Variants in AAAS observed in about 807,000 individuals in gnomAD.
AAAS encodes aladin.
AAAS carries 60 observed loss-of-function variants against 75.6 expected under a neutral mutation model. That is an observed-to-expected ratio of 0.79 (90% confidence interval 0.64 to 0.98). The LOEUF (loss-of-function observed/expected upper bound fraction) is 0.98, where lower values mean the gene tolerates loss of function less well. Among genes scored for constraint, AAAS ranks in the 50% least tolerant of loss-of-function variants. The probability of loss-of-function intolerance (pLI) is 0.00; values close to 1 mark genes in which losing one functional copy is unlikely to be tolerated. For synonymous variants in AAAS, 271 were observed against 265.0 expected (o/e 1.02, Z -0.22); for missense variants, 658 against 686.9 (o/e 0.96, Z 0.47).
intron 4 of AAAS, 71 bp downstream of exon 4, chr12:53,315,264 G>C (rs774772267): frequency 6.3e-7 from 1 of 1,599,266 alleles, no homozygotes; most frequent in Middle Eastern, 1.7e-4. Flanking sequence ...TGACCTGCAA[G>C]GATAGGAATG....
chr12:53,309,346 C>T, intron 8 of AAAS, 65 bp from the exon 9 acceptor site: 1 of 1,606,746 alleles, frequency 6.2e-7, no homozygotes, highest in East Asian at 2.2e-5. Context: ...GTGGGCTGGC[C>T]TCTCTAATGT....
chr12:53,309,879 G>C, intron 7 of AAAS, 158 bp from the exon 8 acceptor site: 110 of 1,097,106 alleles, frequency 1.0e-4, no homozygotes, highest in Middle Eastern at 2.6e-4. Flanking sequence ...AAAGTTAAAA[G>C]AAAAAAACAG....
At chr12:53,314,517 G>A in intron 6 of AAAS, 76 bp from the exon 7 acceptor site, 1 of 1,590,994 alleles carries the variant, frequency 6.3e-7, no homozygotes, top group Non-Finnish European at 8.6e-7. Context: ...GTTAAGGAGG[G>A]AAAGCCACAG....
At position 53,308,722 on chromosome 12, in the gene AAAS, C is replaced by T; in HGVS notation, c.1087+3G>A. On this transcript the variant is annotated splice_donor_region_variant and intron_variant, in intron 11 of 15. Coordinates refer to ENST00000209873, the MANE Select transcript of AAAS (RefSeq NM_015665.6). ...CAAATACTGAAGTGTTGCCCTAACTCACCACAACGTTCTGGAAAAGACAGG... is the reference window on the plus strand; with the variant it reads ...CAAATACTGAAGTGTTGCCCTAACTTACCACAACGTTCTGGAAAAGACAGG... The T allele has an allele frequency of 6.2e-7, 1 of 1,614,114 alleles. No homozygotes were observed. The highest frequency in any genetic ancestry group is 8.5e-7 in the Non-Finnish European group (1 of 1,180,032).
At chr12:53,317,275 T>C (rs1944477157) in intron 2 of AAAS, among the ~76,000 whole-genome samples, 1 of 139,812 alleles carries the variant, frequency 7.2e-6, no homozygotes, top group Non-Finnish European at 1.6e-5. Flanking sequence ...ATACAAAAAT[T>C]GGCCAGGTGC....
rs886973415 is a variant in AAAS at position 53,307,766 on chromosome 12, C to G, written c.1417-53G>C. On this transcript the variant is annotated intron_variant, in intron 15 of 15. Coordinates refer to ENST00000209873, the MANE Select transcript of AAAS (RefSeq NM_015665.6). ...GAGTCTGGGCCCAAAGAAGGGCCAC[C>G]TGGCAGAGCCATACAGCAGCCAAGG... The G allele has an allele frequency of 4.3e-6, 7 of 1,612,834 alleles. No individual in the cohort carries two copies. In the East Asian group the frequency reaches 6.7e-5, roughly 15 times the overall value.
intron 7 of AAAS, among the ~76,000 whole-genome samples, chr12:53,311,586 G>A (rs945005485): frequency 9.9e-5 from 15 of 152,112 alleles, no homozygotes; most frequent in African/African-American, 3.6e-4. Context: ...CTGTATTCCA[G>A]CCTGGGCAAC....
chr12:53,311,690 G>A (rs1224004080), intron 7 of AAAS, among the ~76,000 whole-genome samples: 2 of 152,230 alleles, frequency 1.3e-5, no homozygotes, highest in African/African-American at 2.4e-5. Context: ...CGAGGCAGGC[G>A]GATCACCTGA....
Position 53,321,209 on chromosome 12 carries a change from C to T in AAAS, c.123+134G>A, listed in dbSNP as rs4759020. 1,383,337 of 1,403,842 alleles carry T rather than the reference C, an allele frequency of 0.99. 683,864 individuals are homozygous for T. Among genetic ancestry groups the T allele is most frequent in the East Asian group, 1 (43,388 of 43,388 alleles). The allele number at this position is 1,403,842 out of a possible 1,614,324, so 87.0% of individuals were successfully genotyped here. A position where few individuals can be genotyped will look rare whatever the true frequency, so the allele number is the denominator to read the frequency against. ...CTAAAACAGATTCCAGCCCTTCTAG[C>T]CTCCTGCCGGGGCCAAGCTGTTTCC... On this transcript the variant is annotated intron_variant, in intron 1 of 15. Coordinates refer to ENST00000209873, the MANE Select transcript of AAAS (RefSeq NM_015665.6).
intron 1 of AAAS, chr12:53,321,021 G>T: frequency 3.7e-6 from 2 of 538,512 alleles, no homozygotes; most frequent in South Asian, 4.2e-5. Context: ...ATGGAAAAAA[G>T]TTCCATGTTG....
chr12:53,316,630 CCAT>C (rs1273760414), intron 2 of AAAS, among the ~76,000 whole-genome samples: 2 of 150,338 alleles, frequency 1.3e-5, no homozygotes, highest in Non-Finnish European at 3.0e-5. Flanking sequence ...GTGTGGTGGT[CCAT>C]GCCTATAATC....
In AAAS at chr12:53,308,459, ATTG is replaced by A. The variant is rs757494772; in HGVS notation, c.1154_1156del (p.Thr385del). On this transcript the variant is annotated inframe_deletion, in exon 12 of 16. Coordinates refer to ENST00000209873, the MANE Select transcript of AAAS (RefSeq NM_015665.6). ...CCTCTCCTCACCATCTGGTGTCTGTATTGTTGTCTCAGACAGATCTGCCACAAT... is the reference window on the plus strand; with the variant it reads ...CCTCTCCTCACCATCTGGTGTCTGTATTGTCTCAGACAGATCTGCCACAAT... 5.0e-6 allele frequency: 8 copies of A among 1,613,944 alleles called. No individual in the cohort carries two copies. The highest frequency in any genetic ancestry group is 3.3e-5 in the South Asian group (3 of 91,088).
chr12:53,308,936 C>CTG, intron 10 of AAAS, 24 bp downstream of exon 10: 1 of 1,614,196 alleles, frequency 6.2e-7, no homozygotes, highest in Non-Finnish European at 8.5e-7. Flanking sequence ...TCCCCAGTGT[C>CTG]TGTGAATCAG....
In AAAS at chr12:53,320,608, TG is replaced by T; in HGVS notation, c.207del (p.Phe69LeufsTer25). 1 of 1,614,156 alleles carries T rather than the reference TG, an allele frequency of 6.2e-7. No homozygotes were observed. Among genetic ancestry groups the T allele is most frequent in the Non-Finnish European group, 8.5e-7 (1 of 1,180,032 alleles). On this transcript the variant is annotated frameshift_variant, in exon 2 of 16. Transcript: ENST00000209873. LOFTEE classifies it high-confidence loss of function. ...GRLDHGTRTA[F>X]IHHREQVWKR... ...TTCCACACTTGCTCCCGGTGATGGA[TG>T]AAGGCAGTTCTTGTGCCATGGTCCA...
chr12:53,307,467 C>A lies in AAAS; in HGVS notation c.*22G>T. On this transcript the variant is annotated 3_prime_UTR_variant, in exon 16 of 16. Coordinates refer to ENST00000209873, the MANE Select transcript of AAAS (RefSeq NM_015665.6). ...GACAGACTGGTAACTGAGTGGAAAA[C>A]AAAAGGAAAACTTATTTATTCTTAG... 6.3e-7 allele frequency: 1 copy of A among 1,597,226 alleles called. No individual in the cohort carries two copies. The highest frequency in any genetic ancestry group is 8.6e-7 in the Non-Finnish European group (1 of 1,168,986).
chr12:53,315,045 T>G (rs1398961988), intron 5 of AAAS, 49 bp downstream of exon 5: 1 of 1,606,290 alleles, frequency 6.2e-7, no homozygotes, highest in African/African-American at 1.3e-5. Context: ...AAGGGAGTTT[T>G]GAGGTTCAGG....
intron 7 of AAAS, among the ~76,000 whole-genome samples, chr12:53,311,304 A>G (rs935747993): frequency 9.2e-5 from 14 of 152,138 alleles, no homozygotes; most frequent in Non-Finnish European, 1.3e-4. Flanking sequence ...CTTGTCACCC[A>G]GGCTAGAGTA....
intron 5 of AAAS, 97 bp from the exon 6 acceptor site, chr12:53,314,946 T>A: frequency 6.7e-7 from 1 of 1,494,656 alleles, no homozygotes; most frequent in Non-Finnish European, 9.3e-7. Context: ...TTTTTCCTAC[T>A]TTTTCTTGTA....
Position 53,307,894 on chromosome 12 carries a change from TG to T in AAAS, c.1366del (p.Gln456SerfsTer95), listed in dbSNP as rs767701527. The T allele has an allele frequency of 2.5e-6, 4 of 1,614,076 alleles. No individual in the cohort carries two copies. The African/African-American group carries it at 5.3e-5, about 22-fold the overall frequency. On this transcript the variant is annotated frameshift_variant, in exon 15 of 16. Coordinates refer to ENST00000209873, the MANE Select transcript of AAAS (RefSeq NM_015665.6). LOFTEE classifies it high-confidence loss of function. ...IIQGEPGAQP[Q>X]LITFHPSFNK... The stretch of plus-strand genomic sequence containing the variant: ...GAAGGAAGGATGGAAAGTGATGAGC[TG>T]GGGCTGGGCTCCTGGCTCCCCCTGG...
Sources: gnomAD v4.1 joint callset for allele counts (sites outside exome capture counted in the v4.1 genomes callset) on GRCh38, gnomAD v4.1.1 for gene constraint, MANE v1.5 for transcripts, NCBI Gene and HGNC (gene_info 2026-07-23, HGNC 2026-07-21) for gene names.